The following ASGR1 variants were observed in gnomAD, a reference collection of about 807,000 sequenced individuals.
ASGR1 encodes C-type lectin domain family 4 member H1.
A neutral mutation model predicts 33.1 loss-of-function variants in ASGR1; 35 were observed. The ratio of observed to expected loss-of-function variants is 1.06; its 90% CI spans 0.81 to 1.40. ASGR1 has a LOEUF of 1.40. Ranked by LOEUF, ASGR1 falls within the 40% of genes most tolerant of loss-of-function variation. The probability of loss-of-function intolerance (pLI) is 0.00; values close to 1 mark genes in which losing one functional copy is unlikely to be tolerated. For missense variants in ASGR1, 396 were observed against 373.7 expected, an observed-to-expected ratio of 1.06 and a Z score of -0.49; for synonymous variants, 142 against 152.5, an observed-to-expected ratio of 0.93 and a Z score of 0.51.
chr17:7,175,106 CACAA>C (rs544014553), intron 5 of ASGR1, among the ~76,000 whole-genome samples: 399 of 148,922 alleles, frequency 2.7e-3, no homozygotes, highest in Non-Finnish European at 4.7e-3. Context: ...ACACAAAACA[CACAA>C]ACACACAACA....
Position 7,174,274 on chromosome 17 carries a change from C to T in ASGR1, c.458G>A (p.Cys153Tyr), listed in dbSNP as rs745604612. 2.2e-5 allele frequency: 36 copies of T among 1,613,852 alleles called. No individual in the cohort carries two copies. Among genetic ancestry groups the T allele is most frequent in the Admixed American group, 5.0e-5 (3 of 59,992 alleles). The change falls in exon 7 of 9, where the codon TGC becomes TAC. Residue 153 changes from cysteine (C) to tyrosine (Y), a missense_variant. Cys to Tyr is a radical substitution (Grantham distance 194). Coordinates refer to ENST00000269299, the MANE Select transcript of ASGR1 (RefSeq NM_001671.5). Reference protein sequence around the residue: ...ALQGNGSERTCCPVNWVEHER... With the variant: ...ALQGNGSERTYCPVNWVEHER... ...GTGCTCCACCCAGTTGACCGGGCAG[C>T]AGGTCCTTTCTGAGCCTGAGCGGGA...
intron 2 of ASGR1, 59 bp downstream of exon 2, chr17:7,178,435 T>TG (rs1198541026): frequency 1.3e-6 from 2 of 1,525,932 alleles, no homozygotes; most frequent in East Asian, 2.3e-5. Context: ...GAGCTGTGGC[T>TG]GGGGGGTGGA....
chr17:7,174,190 T>C lies in ASGR1; in HGVS notation c.542A>G (p.Tyr181Cys). The C allele has an allele frequency of 6.2e-7, 1 of 1,614,124 alleles. No individual in the cohort carries two copies. Among genetic ancestry groups the C allele is most frequent in the Non-Finnish European group, 8.5e-7 (1 of 1,180,012 alleles). Residue 181 changes from tyrosine to cysteine, a missense_variant, in exon 7 of 9, where the codon TAC (tyrosine) becomes TGC (cysteine). Coordinates refer to ENST00000269299, the MANE Select transcript of ASGR1 (RefSeq NM_001671.5). ...CAGGTGCGCGTCCTCCAGCCGGCAGTAGTTGTCGGCGTCAGCCCAGGCCTT... is the reference window on the plus strand; with the variant it reads ...CAGGTGCGCGTCCTCCAGCCGGCAGCAGTTGTCGGCGTCAGCCCAGGCCTT... ...SGKAWADADN[Y>C]CRLEDAHLVV...
intron 5 of ASGR1, chr17:7,176,494 T>G: frequency 3.7e-5 from 13 of 355,496 alleles, no homozygotes; most frequent in East Asian, 1.3e-4. Context: ...CTCTATCTCA[T>G]TCTCACACTC....
Position 7,174,273 on chromosome 17 carries a change from G to GC in ASGR1, c.458dup (p.Cys153TrpfsTer25). On this transcript the variant is annotated frameshift_variant, in exon 7 of 9. Transcript: ENST00000269299. LOFTEE classifies it high-confidence loss of function. ...CGTGCTCCACCCAGTTGACCGGGCA[G>GC]CAGGTCCTTTCTGAGCCTGAGCGGG... 1.9e-6 allele frequency: 3 copies of GC among 1,614,044 alleles called. No individual in the cohort carries two copies. The African/African-American group carries it at 4.0e-5, about 21-fold the overall frequency.
intron 5 of ASGR1, among the ~76,000 whole-genome samples, chr17:7,175,589 CAT>C (rs1363491968): frequency 1.3e-5 from 2 of 150,844 alleles, no homozygotes; most frequent in East Asian, 1.9e-4. Flanking sequence ...TGCACTTACA[CAT>C]ATACTTACAT....
At position 7,178,568 on chromosome 17, in the gene ASGR1, G is replaced by T; in HGVS notation, c.-5C>A. 17 of 1,613,800 alleles carry T rather than the reference G, an allele frequency of 1.1e-5. No homozygotes were observed. The highest frequency in any genetic ancestry group is 1.4e-5 in the Non-Finnish European group (17 of 1,179,882). On this transcript the variant is annotated 5_prime_UTR_variant, in exon 2 of 9. Transcript: ENST00000269299. ...GTCTTGATACTCCTTGGTCATGATA[G>T]GGCTGGCGCTGGACCTGGGACTGAG... is the stretch of plus-strand genomic sequence containing the variant.
chr17:7,175,844 TCA>T (rs1447522575), intron 5 of ASGR1, among the ~76,000 whole-genome samples: 3 of 128,546 alleles, frequency 2.3e-5, no homozygotes, highest in Non-Finnish European at 4.8e-5. Flanking sequence ...CACACCCATC[TCA>T]TTCTCACACA....
At position 7,178,566 on chromosome 17, in the gene ASGR1, T is replaced by C. The variant is rs749675436; in HGVS notation, c.-3A>G. The stretch of plus-strand genomic sequence containing the variant: ...AGGTCTTGATACTCCTTGGTCATGA[T>C]AGGGCTGGCGCTGGACCTGGGACTG... On this transcript the variant is annotated 5_prime_UTR_variant, in exon 2 of 9. Transcript: ENST00000269299. 2.5e-6 allele frequency: 4 copies of C among 1,613,718 alleles called. No homozygotes were observed. Among genetic ancestry groups the C allele is most frequent in the Admixed American group, 1.7e-5 (1 of 59,964 alleles).
chr17:7,179,148 G>A, intron 1 of ASGR1, 42 bp downstream of exon 1: 1 of 152,866 alleles, frequency 6.5e-6, no homozygotes, highest in Non-Finnish European at 1.5e-5. Flanking sequence ...CCGCACCCCT[G>A]CACCCCCAGC....
intron 5 of ASGR1, among the ~76,000 whole-genome samples, chr17:7,176,203 TCA>T (rs2069202953): frequency 2.3e-5 from 3 of 130,720 alleles, no homozygotes; most frequent in Admixed American, 7.6e-5. Flanking sequence ...ACACCCCATC[TCA>T]TTCTCACACT....
chr17:7,176,436 C>CAG (rs148423635), intron 5 of ASGR1, among the ~76,000 whole-genome samples: 6,473 of 145,624 alleles, frequency 0.044, 293 homozygotes, highest in African/African-American at 0.11. Context: ...GTCATTCTCA[C>CAG]ACTCTCACAC....
intron 3 of ASGR1, 37 bp from the exon 4 acceptor site, chr17:7,177,113 T>TCGCTGTGTCCGCCAC: frequency 6.2e-7 from 1 of 1,613,300 alleles, no homozygotes; most frequent in Non-Finnish European, 8.5e-7. Context: ...GAAAACGGGA[T>TCGCTGTGTCCGCCAC]CGCTGTGTCC....
intron 5 of ASGR1, chr17:7,176,493 A>G (rs1302042544): frequency 2.3e-6 from 1 of 428,632 alleles, no homozygotes; most frequent in Admixed American, 4.1e-5. Context: ...ACTCTATCTC[A>G]TTCTCACACT....
At chr17:7,174,519 G>C in intron 5 of ASGR1, 59 bp from the exon 6 acceptor site, 35 of 1,541,290 alleles carry the variant, frequency 2.3e-5, no homozygotes, top group Non-Finnish European at 3.0e-5. Flanking sequence ...GGAGGGAAAC[G>C]GGAAACGAGG....
In ASGR1 at chr17:7,173,525, T is replaced by C; in HGVS notation, c.*134A>G. 1 of 1,267,608 alleles carries C rather than the reference T, an allele frequency of 7.9e-7. No homozygotes were observed. The highest frequency in any genetic ancestry group is 1.1e-6 in the Non-Finnish European group (1 of 927,120). The allele number at this position is 1,267,608 out of a possible 1,614,324, so 78.5% of individuals were successfully genotyped here. On this transcript the variant is annotated 3_prime_UTR_variant, in exon 9 of 9. Transcript: ENST00000269299. The surrounding 1 kb of genome is among the most constrained non-coding windows in gnomAD (Gnocchi z 4.7). ...GCCACGGGTTTCAAGCTCCTCACCT[T>C]CGGAACATCACCCTATCCTTCCCCT...
At chr17:7,178,334 C>T (rs2069239930) in intron 2 of ASGR1, 160 bp downstream of exon 2, 2 of 766,378 alleles carry the variant, frequency 2.6e-6, no homozygotes, top group African/African-American at 1.7e-5. Context: ...CACTCCGCCC[C>T]TCTCCTGAGA....
chr17:7,173,615 C>T lies in ASGR1; in HGVS notation c.*44G>A, dbSNP rs377069082. 12 of 1,610,256 alleles carry T rather than the reference C, an allele frequency of 7.5e-6. No individual in the cohort carries two copies. In the African/African-American group the frequency reaches 1.2e-4, roughly 16 times the overall value. On this transcript the variant is annotated 3_prime_UTR_variant, in exon 9 of 9. Coordinates refer to ENST00000269299, the MANE Select transcript of ASGR1 (RefSeq NM_001671.5). The surrounding 1 kb of genome is among the most constrained non-coding windows in gnomAD (Gnocchi z 4.7). The stretch of plus-strand genomic sequence containing the variant: ...AGAGGCCCCCAGATGGGCGGATTCC[C>T]AATCCCGGACCCCTGCGGCAGGTCG...
intron 1 of ASGR1, 92 bp from the exon 2 acceptor site, chr17:7,178,680 C>T (rs1258163916): frequency 2.8e-6 from 2 of 715,328 alleles, no homozygotes; most frequent in South Asian, 2.2e-5. Flanking sequence ...ATCTGATTGA[C>T]GGCTCCATCA....
Sources: allele counts gnomAD v4.1 joint callset (sites outside exome capture counted in the v4.1 genomes callset), GRCh38; gene constraint gnomAD v4.1.1; non-coding constraint Gnocchi (gnomAD v3.1); transcripts MANE v1.5; gene names NCBI Gene and HGNC (gene_info 2026-07-23, HGNC 2026-07-21).